The following ZFHX3 variants were observed in gnomAD, a reference collection of about 807,000 sequenced individuals.
ZFHX3 encodes the protein zinc finger homeobox protein 3.
ZFHX3 carries 42 observed loss-of-function variants against 279.1 expected under a neutral mutation model. The observed-to-expected ratio is 0.15, with a 90% confidence interval of 0.12 to 0.19. The LOEUF is 0.19. ZFHX3 is among the 10% of genes least tolerant of loss of function. The pLI is 1.00. For missense variants in ZFHX3, 4,981 were observed against 4,754.0 expected, an observed-to-expected ratio of 1.05 and a Z score of -1.40; for synonymous variants, 2,293 against 1,957.8, an observed-to-expected ratio of 1.17 and a Z score of -4.52.
At chr16:73,156,931 C>T (rs374605771) in intron 5 of ZFHX3, among the ~76,000 whole-genome samples, 2 of 152,138 alleles carry the variant, frequency 1.3e-5, no homozygotes, top group South Asian at 4.1e-4. Context: ...CCAGGATGGT[C>T]TCTATCTCCT....
chr16:73,075,275 C>A (rs1243394899), intron 8 of ZFHX3, among the ~76,000 whole-genome samples: 1 of 149,728 alleles, frequency 6.7e-6, no homozygotes, highest in Non-Finnish European at 1.5e-5. Context: ...GATCACACCA[C>A]TGCATTACAG....
chr16:73,548,104 T>C (rs2044876220), intron 2 of ZFHX3, among the ~76,000 whole-genome samples: 1 of 152,242 alleles, frequency 6.6e-6, no homozygotes, highest in South Asian at 2.1e-4. Flanking sequence ...GCTCCATCCC[T>C]CCTTGATTTT....
At chr16:73,124,138 T>C (rs1597165209) in intron 7 of ZFHX3, among the ~76,000 whole-genome samples, 1 of 152,122 alleles carries the variant, frequency 6.6e-6, no homozygotes, top group Non-Finnish European at 1.5e-5. Context: ...GCTATTATAA[T>C]AGTGTGTTTT....
At chr16:73,537,095 C>T (rs371581285) in intron 2 of ZFHX3, among the ~76,000 whole-genome samples, 2 of 152,242 alleles carry the variant, frequency 1.3e-5, no homozygotes, top group East Asian at 1.9e-4. Context: ...AGAGACCTGT[C>T]TCAGTTATGA....
intron 3 of ZFHX3, among the ~76,000 whole-genome samples, chr16:73,398,467 C>T (rs901676063): frequency 6.6e-6 from 1 of 152,122 alleles, no homozygotes; most frequent in Non-Finnish European, 1.5e-5. Flanking sequence ...GTGCTGGTGC[C>T]GGCCTGCACT....
intron 1 of ZFHX3, among the ~76,000 whole-genome samples, chr16:72,968,614 C>T (rs1961957952): frequency 6.6e-6 from 1 of 152,006 alleles, no homozygotes; most frequent in South Asian, 2.1e-4. Flanking sequence ...ATGCCCACCA[C>T]CACGCCTGGC....
At chr16:73,129,569 G>A (rs1966636780) in intron 7 of ZFHX3, among the ~76,000 whole-genome samples, 1 of 151,916 alleles carries the variant, frequency 6.6e-6, no homozygotes, top group South Asian at 2.1e-4. Context: ...AATGCATTCC[G>A]TTTACTGATA....
chr16:73,155,607 G>A (rs1463916606), intron 5 of ZFHX3, among the ~76,000 whole-genome samples: 1 of 152,160 alleles, frequency 6.6e-6, no homozygotes, highest in Non-Finnish European at 1.5e-5. Flanking sequence ...TGGATCACCT[G>A]AGGTCAGGAG....
At chr16:73,041,677 G>A (rs1965122828) in intron 1 of ZFHX3, among the ~76,000 whole-genome samples, 1 of 152,082 alleles carries the variant, frequency 6.6e-6, no homozygotes. Context: ...CCAACCTCCT[G>A]CCGCACACAC....
intron 2 of ZFHX3, among the ~76,000 whole-genome samples, chr16:73,602,528 A>C (rs2052129664): frequency 6.6e-6 from 1 of 152,242 alleles, no homozygotes; most frequent in African/African-American, 2.4e-5. Flanking sequence ...CCCAAAAAGT[A>C]CTTTTAGGAA....
rs890031880 is a variant in ZFHX3 at position 73,174,984 on chromosome 16, C to T, written c.-1103-31153G>A. Among the ~76,000 whole-genome samples the T allele has an allele frequency of 7.9e-5, 12 of 151,660 alleles. 1 individual carries two copies. The highest frequency in any genetic ancestry group is 4.2e-4 in the South Asian group (2 of 4,786). On this transcript the variant is annotated intron_variant, in intron 5 of 17. Transcript: ENST00000641206. The stretch of plus-strand genomic sequence containing the variant: ...TGGAGGCTGCAGTGAACCGAGATAG[C>T]GCCACTGCACTCCAGCCTGGGTGAC...
intron 4 of ZFHX3, among the ~76,000 whole-genome samples, chr16:73,302,013 C>G (rs367683446): frequency 9.9e-5 from 15 of 151,922 alleles, no homozygotes; most frequent in Admixed American, 9.8e-4. Flanking sequence ...CAGCCACACA[C>G]GGGGACACCC....
At chr16:72,922,789 T>C (rs1394015861) in intron 3 of ZFHX3, among the ~76,000 whole-genome samples, 1 of 152,174 alleles carries the variant, frequency 6.6e-6, no homozygotes, top group African/African-American at 2.4e-5. Flanking sequence ...GGATATCTAA[T>C]CCTAAAAACT....
chr16:73,709,908 G>A (rs148576641), intron 1 of ZFHX3, among the ~76,000 whole-genome samples: 484 of 152,272 alleles, frequency 3.2e-3, no homozygotes, highest in African/African-American at 0.011. Context: ...TTGGCCGGGC[G>A]TGGTGGCTCA....
intron 2 of ZFHX3, among the ~76,000 whole-genome samples, chr16:73,533,534 C>T (rs143417832): frequency 1.3e-5 from 2 of 151,958 alleles, no homozygotes; most frequent in East Asian, 1.9e-4. Context: ...GCTTTAAATA[C>T]CATCTATGTC....
At chr16:73,248,664 T>C (rs939469361) in intron 5 of ZFHX3, among the ~76,000 whole-genome samples, 7 of 150,004 alleles carry the variant, frequency 4.7e-5, no homozygotes, top group Admixed American at 3.4e-4. Context: ...TGTGTGTGTG[T>C]GCACGTGCAC....
chr16:73,837,590 G>A (rs929825230), intron 1 of ZFHX3, among the ~76,000 whole-genome samples: 6 of 152,142 alleles, frequency 3.9e-5, no homozygotes, highest in African/African-American at 1.4e-4. Context: ...CACACTGGCT[G>A]AATTATATTT....
At chr16:73,219,054 C>A (rs556816090) in intron 5 of ZFHX3, among the ~76,000 whole-genome samples, 1 of 152,140 alleles carries the variant, frequency 6.6e-6, no homozygotes, top group East Asian at 1.9e-4. Context: ...AATATGTAGC[C>A]CTTTGTGTCT....
At chr16:72,904,975 G>C (rs1243036201) in intron 3 of ZFHX3, among the ~76,000 whole-genome samples, 1 of 152,100 alleles carries the variant, frequency 6.6e-6, no homozygotes, top group Admixed American at 6.5e-5. Flanking sequence ...AAGATTACAG[G>C]TGCCCGCCAC....
Sources: allele counts gnomAD v4.1 joint callset (sites outside exome capture counted in the v4.1 genomes callset), GRCh38; gene constraint gnomAD v4.1.1; transcripts MANE v1.5; gene names NCBI Gene and HGNC (gene_info 2026-07-23, HGNC 2026-07-21).